Variants in CNTNAP2 observed in about 807,000 individuals in gnomAD.
CNTNAP2 encodes the protein contactin associated protein 2.
A neutral mutation model predicts 155.2 loss-of-function variants in CNTNAP2; 98 were observed. The observed-to-expected ratio is 0.63, with a 90% CI of 0.54 to 0.75. The LOEUF (loss-of-function observed/expected upper bound fraction) is 0.75. CNTNAP2 is among the 30% of genes least tolerant of loss of function. The pLI, the probability that CNTNAP2 is intolerant of heterozygous loss-of-function variation, is 0.00. For missense variants in CNTNAP2, 1,727 were observed against 1,688.1 expected (o/e 1.02, Z -0.40); for synonymous variants, 651 against 631.2 (o/e 1.03, Z -0.47).
At chr7:147,027,019 A>C (rs1275347285) in intron 3 of CNTNAP2, among the ~76,000 whole-genome samples, 14 of 129,674 alleles carry the variant, frequency 1.1e-4, no homozygotes, top group African/African-American at 1.9e-4. Context: ...AAAAAAAAAC[A>C]AAAAAAAGAA....
At chr7:146,644,145 C>T (rs1412479943) in intron 1 of CNTNAP2, among the ~76,000 whole-genome samples, 3 of 152,158 alleles carry the variant, frequency 2.0e-5, no homozygotes, top group Non-Finnish European at 4.4e-5. Flanking sequence ...TAATTGAATA[C>T]CCTTTATTTC....
chr7:148,043,737 G>T (rs917141373), intron 15 of CNTNAP2, among the ~76,000 whole-genome samples: 3 of 152,048 alleles, frequency 2.0e-5, no homozygotes, highest in Non-Finnish European at 4.4e-5. Context: ...GCTTTGTTTT[G>T]TTTCTGCATG....
At chr7:147,886,869 G>A (rs573684961) in intron 13 of CNTNAP2, among the ~76,000 whole-genome samples, 26 of 152,226 alleles carry the variant, frequency 1.7e-4, no homozygotes, top group East Asian at 3.9e-4. Context: ...TCAGATTTGC[G>A]TAATCGTGAA....
chr7:147,841,315 C>G (rs1486051644), intron 13 of CNTNAP2, among the ~76,000 whole-genome samples: 1 of 152,144 alleles, frequency 6.6e-6, no homozygotes, highest in Non-Finnish European at 1.5e-5. Flanking sequence ...CCAACAAACA[C>G]ACTATCACAG....
chr7:147,795,772 T>G (rs1797883888), intron 13 of CNTNAP2, among the ~76,000 whole-genome samples: 1 of 152,170 alleles, frequency 6.6e-6, no homozygotes, highest in East Asian at 1.9e-4. Context: ...CATGGAATAT[T>G]CATATAACCT....
intron 13 of CNTNAP2, among the ~76,000 whole-genome samples, chr7:147,710,655 C>T (rs951976774): frequency 2.0e-5 from 3 of 152,088 alleles, no homozygotes; most frequent in African/African-American, 7.2e-5. Context: ...GAACTATAAT[C>T]CTATATTATT....
intron 14 of CNTNAP2, among the ~76,000 whole-genome samples, chr7:147,925,297 C>CGT (rs1800376048): frequency 2.4e-5 from 1 of 41,790 alleles, no homozygotes; most frequent in Non-Finnish European, 4.8e-5. Flanking sequence ...CGCGCGCACA[C>CGT]ACACACACAC....
chr7:147,507,645 C>T (rs1798932218), intron 11 of CNTNAP2, among the ~76,000 whole-genome samples: 3 of 146,632 alleles, frequency 2.0e-5, no homozygotes, highest in African/African-American at 5.0e-5. Context: ...CTCCGCCTCC[C>T]AGGTTCACAC....
chr7:148,120,037 A>G (rs183510393), intron 16 of CNTNAP2, among the ~76,000 whole-genome samples: 1 of 151,674 alleles, frequency 6.6e-6, no homozygotes, highest in Non-Finnish European at 1.5e-5. Context: ...ACTTCTACAT[A>G]AGTTGGATCA....
chr7:147,210,941 G>T (rs946959789), intron 8 of CNTNAP2, among the ~76,000 whole-genome samples: 98 of 151,212 alleles, frequency 6.5e-4, no homozygotes, highest in Non-Finnish European at 1.1e-3. Flanking sequence ...GAGAGAGTAT[G>T]CTTCGTATGA....
At chr7:146,159,555 G>A (rs555676816) in intron 1 of CNTNAP2, among the ~76,000 whole-genome samples, 2 of 151,860 alleles carry the variant, frequency 1.3e-5, no homozygotes, top group Non-Finnish European at 2.9e-5. Flanking sequence ...GATCTACCAA[G>A]CAAATGGAAA....
intron 14 of CNTNAP2, among the ~76,000 whole-genome samples, chr7:147,960,313 T>C (rs1477481885): frequency 1.3e-5 from 2 of 152,180 alleles, no homozygotes; most frequent in Non-Finnish European, 2.9e-5. Context: ...CAGGACAAGT[T>C]AGAGTTCTAT....
At chr7:146,735,480 G>C (rs1234523590) in intron 1 of CNTNAP2, among the ~76,000 whole-genome samples, 1 of 151,958 alleles carries the variant, frequency 6.6e-6, no homozygotes, top group African/African-American at 2.4e-5. Context: ...GCGTGAACCC[G>C]GGAGGCGGAG....
chr7:146,640,713 G>A (rs1445869352), intron 1 of CNTNAP2, among the ~76,000 whole-genome samples: 2 of 152,094 alleles, frequency 1.3e-5, no homozygotes, highest in Non-Finnish European at 2.9e-5. Flanking sequence ...GCACTAATGT[G>A]CTCTTGTTTG....
Position 148,266,170 on chromosome 7 carries a change from G to A in CNTNAP2, c.3382-863G>A, listed in dbSNP as rs192256434. On this transcript the variant is annotated intron_variant, in intron 20 of 23. Coordinates refer to ENST00000361727, the MANE Select transcript of CNTNAP2 (RefSeq NM_014141.6). ...TGCTTTCTTATAACCCGCACCTCTCGTCATGCTGACCTTAGCACGTATTAA... is the reference window on the plus strand; with the variant it reads ...TGCTTTCTTATAACCCGCACCTCTCATCATGCTGACCTTAGCACGTATTAA... Among the ~76,000 whole-genome samples the A allele has an allele frequency of 3.0e-4, 46 of 152,226 alleles. No individual in the cohort carries two copies. The East Asian group carries it at 3.7e-3, about 12-fold the overall frequency.
At chr7:148,000,200 C>T (rs1388822994) in intron 15 of CNTNAP2, among the ~76,000 whole-genome samples, 2 of 152,224 alleles carry the variant, frequency 1.3e-5, no homozygotes, top group African/African-American at 4.8e-5. Context: ...CCCTGCAGAG[C>T]AGTGTCTTGA....
At chr7:147,510,249 G>C (rs971538722) in intron 11 of CNTNAP2, among the ~76,000 whole-genome samples, 1 of 152,100 alleles carries the variant, frequency 6.6e-6, no homozygotes, top group Non-Finnish European at 1.5e-5. Flanking sequence ...GACTCTGAGG[G>C]CTAAAACCCA....
At chr7:147,673,168 C>T (rs1317135729) in intron 13 of CNTNAP2, 1 of 152,132 alleles carries the variant, frequency 6.6e-6, no homozygotes, top group Non-Finnish European at 1.5e-5. Flanking sequence ...CTTTAAATTT[C>T]TTTCATTCTG....
intron 1 of CNTNAP2, among the ~76,000 whole-genome samples, chr7:146,579,300 A>G (rs1463512314): frequency 1.3e-5 from 2 of 152,072 alleles, no homozygotes; most frequent in African/African-American, 4.8e-5. Context: ...TCTGAGCTCT[A>G]TAGAGGAAAG....
Sources: gnomAD v4.1 joint callset for allele counts (sites outside exome capture counted in the v4.1 genomes callset) on GRCh38, gnomAD v4.1.1 for gene constraint, MANE v1.5 for transcripts, NCBI Gene and HGNC (gene_info 2026-07-23, HGNC 2026-07-21) for gene names.